The following DSCAML1 variants were observed in gnomAD, a reference collection of about 807,000 sequenced individuals.
DSCAML1 encodes the protein cell adhesion molecule DSCAML1.
In DSCAML1, 38 loss-of-function variants were observed where a neutral mutation model predicts 200.5. The ratio of observed to expected loss-of-function variants is 0.19; its 90% CI spans 0.15 to 0.25. DSCAML1 has a LOEUF of 0.25. DSCAML1 is among the 10% of genes least tolerant of loss of function. The probability of loss-of-function intolerance (pLI) is 1.00; values close to 1 mark genes in which losing one functional copy is unlikely to be tolerated. For synonymous variants in DSCAML1, 1,215 were observed against 1,165.0 expected (o/e 1.04, Z -0.87); for missense variants, 2,223 against 2,858.8 (o/e 0.78, Z 5.07).
rs571526038 is a variant in DSCAML1 at position 117,780,963 on chromosome 11, G to A, written c.47-153C>T. On this transcript the variant is annotated intron_variant, in intron 1 of 32. Coordinates refer to ENST00000651296, the MANE Select transcript of DSCAML1 (RefSeq NM_020693.4). The surrounding 1 kb of genome is among the most constrained non-coding windows in gnomAD (Gnocchi z 4.8). ...TTATTGAGCACTGACTATACACCAG[G>A]CACTGGCAAAGGTGAATCAGAGACA... is the stretch of plus-strand genomic sequence containing the variant. Among the ~76,000 whole-genome samples, 1 of 152,296 alleles carries A rather than the reference G, an allele frequency of 6.6e-6. No individual in the cohort carries two copies. Among genetic ancestry groups the A allele is most frequent in the South Asian group, 2.1e-4 (1 of 4,818 alleles).
At chr11:117,637,069 A>G (rs911824190) in intron 3 of DSCAML1, among the ~76,000 whole-genome samples, 15 of 152,032 alleles carry the variant, frequency 9.9e-5, no homozygotes, top group Non-Finnish European at 1.0e-4. Context: ...TTCCCTGAGC[A>G]GGAGCCCCCT....
intron 11 of DSCAML1, among the ~76,000 whole-genome samples, chr11:117,484,710 G>C (rs1007225305): frequency 6.6e-6 from 1 of 152,182 alleles, no homozygotes; most frequent in Non-Finnish European, 1.5e-5. Flanking sequence ...CAACAAGTCA[G>C]GACTTGCATT....
chr11:117,811,722 CCTT>C (rs1255180349), intron 1 of DSCAML1, among the ~76,000 whole-genome samples: 16 of 152,154 alleles, frequency 1.1e-4, no homozygotes, highest in South Asian at 2.1e-4. Flanking sequence ...CTGACTGACT[CCTT>C]CTCGGCTTAG....
Position 117,439,391 on chromosome 11 carries a change from C to G in DSCAML1, c.4019G>C (p.Arg1340Pro). Residue 1340 changes from arginine (R) to proline (P), a missense_variant, in exon 23 of 33, where the codon CGG (arginine) becomes CCG (proline). Physicochemically the swap from Arg to Pro is moderately radical, Grantham distance 103. Coordinates refer to ENST00000651296, the MANE Select transcript of DSCAML1 (RefSeq NM_020693.4). Reference sequence around the variant, plus strand: ...CAGTGTGCCATTGGTGTGGATGAGCCGGTGCCCATCCATGGACACTGGAAT... The same window carrying G: ...CAGTGTGCCATTGGTGTGGATGAGCGGGTGCCCATCCATGGACACTGGAAT... ...SAIPVSMDGH[R>P]LIHTNGTLLL... The G allele has an allele frequency of 6.2e-7, 1 of 1,613,690 alleles. No individual in the cohort carries two copies. Among genetic ancestry groups the G allele is most frequent in the Non-Finnish European group, 8.5e-7 (1 of 1,179,984 alleles).
chr11:117,508,123 C>T (rs1350551340), intron 8 of DSCAML1, among the ~76,000 whole-genome samples: 1 of 152,160 alleles, frequency 6.6e-6, no homozygotes, highest in Non-Finnish European at 1.5e-5. Flanking sequence ...AGTTTGTTTC[C>T]TTAGGCCTAG....
intron 3 of DSCAML1, among the ~76,000 whole-genome samples, chr11:117,568,698 C>T (rs1429600322): frequency 6.6e-6 from 1 of 152,148 alleles, no homozygotes; most frequent in Admixed American, 6.5e-5. Flanking sequence ...GAACTACAAA[C>T]CACTGCTCAA....
At chr11:117,658,822 A>C (rs1023076414) in intron 3 of DSCAML1, among the ~76,000 whole-genome samples, 1 of 152,242 alleles carries the variant, frequency 6.6e-6, no homozygotes, top group Non-Finnish European at 1.5e-5. Context: ...ACCTTTCCCC[A>C]GCATCCCAAC....
intron 3 of DSCAML1, among the ~76,000 whole-genome samples, chr11:117,725,775 A>C (rs2054115898): frequency 6.6e-6 from 1 of 151,970 alleles, no homozygotes; most frequent in South Asian, 2.1e-4. Context: ...GAGCCCCTGC[A>C]GAGGAAACAG....
chr11:117,806,813 T>C (rs1052778065), intron 1 of DSCAML1, among the ~76,000 whole-genome samples: 1 of 152,326 alleles, frequency 6.6e-6, no homozygotes, highest in African/African-American at 2.4e-5. Flanking sequence ...TTCAAGAATA[T>C]ACAAAAGTGG....
intron 3 of DSCAML1, among the ~76,000 whole-genome samples, chr11:117,588,850 C>A (rs1254370723): frequency 6.6e-6 from 1 of 152,200 alleles, no homozygotes; most frequent in African/African-American, 2.4e-5. Context: ...TGCCTTCCTG[C>A]CCTTTTCTCT....
chr11:117,794,149 G>A (rs868325926), intron 1 of DSCAML1, among the ~76,000 whole-genome samples: 1 of 152,144 alleles, frequency 6.6e-6, no homozygotes, highest in South Asian at 2.1e-4. Flanking sequence ...GTCCCCATCG[G>A]AGAAGTTGGG....
At chr11:117,705,069 G>A (rs890392986) in intron 3 of DSCAML1, among the ~76,000 whole-genome samples, 11 of 152,298 alleles carry the variant, frequency 7.2e-5, no homozygotes, top group Admixed American at 4.6e-4. Context: ...GGAGAGGGGC[G>A]GGGAATGCAG....
At chr11:117,748,081 G>A (rs1242609459) in intron 3 of DSCAML1, among the ~76,000 whole-genome samples, 1 of 152,158 alleles carries the variant, frequency 6.6e-6, no homozygotes, top group Non-Finnish European at 1.5e-5. Flanking sequence ...GTGTGGCCTT[G>A]GGCTAATTAC....
chr11:117,472,818 A>C (rs764927675), intron 14 of DSCAML1, among the ~76,000 whole-genome samples: 42 of 152,204 alleles, frequency 2.8e-4, no homozygotes, highest in Non-Finnish European at 4.7e-4. Context: ...AGAGGAATCC[A>C]GTCATTTGTT....
intron 17 of DSCAML1, 92 bp from the exon 18 acceptor site, chr11:117,461,688 C>T (rs1485831316): frequency 1.5e-6 from 2 of 1,306,710 alleles, no homozygotes; most frequent in East Asian, 4.7e-5. Flanking sequence ...TCCCGCAGTC[C>T]AACCAGAGGA....
At chr11:117,668,052 C>A (rs529348741) in intron 3 of DSCAML1, among the ~76,000 whole-genome samples, 1 of 152,330 alleles carries the variant, frequency 6.6e-6, no homozygotes, top group South Asian at 2.1e-4. Context: ...CACATGGTCC[C>A]CTTTATTCCT....
chr11:117,552,786 G>A (rs1043404512), intron 3 of DSCAML1, among the ~76,000 whole-genome samples: 1 of 152,130 alleles, frequency 6.6e-6, no homozygotes, highest in Non-Finnish European at 1.5e-5. Context: ...TGCACCTTTA[G>A]TGTCAAATCC....
At chr11:117,735,821 C>A (rs1230284069) in intron 3 of DSCAML1, among the ~76,000 whole-genome samples, 1 of 152,166 alleles carries the variant, frequency 6.6e-6, no homozygotes, top group East Asian at 1.9e-4. Context: ...TCCCCCAAGC[C>A]CCAGGGCTCC....
At chr11:117,700,529 C>T (rs2053648974) in intron 3 of DSCAML1, among the ~76,000 whole-genome samples, 1 of 152,192 alleles carries the variant, frequency 6.6e-6, no homozygotes, top group African/African-American at 2.4e-5. Context: ...CAGCCAAAGG[C>T]CAGTATTGGG....
Sources: gnomAD v4.1 joint callset for allele counts (sites outside exome capture counted in the v4.1 genomes callset) on GRCh38, gnomAD v4.1.1 for gene constraint, Gnocchi (gnomAD v3.1) non-coding constraint, MANE v1.5 for transcripts, NCBI Gene and HGNC (gene_info 2026-07-23, HGNC 2026-07-21) for gene names.